The following GALNTL6 variants were observed in gnomAD, a reference collection of about 807,000 sequenced individuals.
The protein encoded by GALNTL6 is polypeptide N-acetylgalactosaminyltransferase-like 6.
A neutral mutation model predicts 73.7 loss-of-function variants in GALNTL6; 46 were observed. That is an observed-to-expected ratio of 0.62 (90% CI 0.49 to 0.80). The LOEUF is 0.80. Among genes scored for constraint, GALNTL6 ranks in the 30% least tolerant of loss-of-function variants. The pLI is 0.00. For missense variants in GALNTL6, 604 were observed against 755.0 expected (o/e 0.80, Z 2.34); for synonymous variants, 259 against 263.7 (o/e 0.98, Z 0.17).
intron 5 of GALNTL6, among the ~76,000 whole-genome samples, chr4:172,397,989 T>C (rs1056585540): frequency 6.6e-6 from 1 of 152,202 alleles, no homozygotes; most frequent in Non-Finnish European, 1.5e-5. Flanking sequence ...GGATTCTTTA[T>C]TATTCTTAAC....
chr4:172,743,207 A>G (rs1336008746), intron 5 of GALNTL6, among the ~76,000 whole-genome samples: 3 of 152,172 alleles, frequency 2.0e-5, no homozygotes, highest in East Asian at 1.9e-4. Context: ...ACCTTTAAAT[A>G]TCATGAGATC....
chr4:172,308,902 G>A (rs1308489074), intron 3 of GALNTL6, among the ~76,000 whole-genome samples: 1 of 152,028 alleles, frequency 6.6e-6, no homozygotes, highest in African/African-American at 2.4e-5. Context: ...TAACTGTGTT[G>A]GGTTAAAAAT....
chr4:172,388,985 T>A (rs1159913176), intron 5 of GALNTL6, among the ~76,000 whole-genome samples: 1 of 152,048 alleles, frequency 6.6e-6, no homozygotes, highest in Non-Finnish European at 1.5e-5. Flanking sequence ...TTCCAATTCC[T>A]AATATTTCTA....
At chr4:172,177,240 C>T (rs1049671744) in intron 2 of GALNTL6, among the ~76,000 whole-genome samples, 4 of 152,032 alleles carry the variant, frequency 2.6e-5, no homozygotes, top group African/African-American at 9.7e-5. Flanking sequence ...AATTCTTAAG[C>T]AAATATGCCA....
chr4:172,177,839 A>ATG (rs1313807210), intron 2 of GALNTL6, among the ~76,000 whole-genome samples: 67 of 76,972 alleles, frequency 8.7e-4, no homozygotes, highest in East Asian at 2.5e-3. Context: ...ACACACATAT[A>ATG]TATGTGTATA....
chr4:172,941,648 A>G (rs902509542), intron 9 of GALNTL6, among the ~76,000 whole-genome samples: 2 of 152,240 alleles, frequency 1.3e-5, no homozygotes, highest in African/African-American at 4.8e-5. Flanking sequence ...CAATTCCACT[A>G]GAGCCTCATA....
intron 5 of GALNTL6, among the ~76,000 whole-genome samples, chr4:172,417,385 A>G (rs770121296): frequency 6.6e-6 from 1 of 152,070 alleles, no homozygotes; most frequent in Non-Finnish European, 1.5e-5. Context: ...CTTTTTTCAA[A>G]TAAAATTTCT....
At chr4:172,597,147 T>C (rs751126290) in intron 5 of GALNTL6, among the ~76,000 whole-genome samples, 1 of 152,202 alleles carries the variant, frequency 6.6e-6, no homozygotes, top group African/African-American at 2.4e-5. Flanking sequence ...TCCTTAAATA[T>C]TGCCCCATTA....
intron 5 of GALNTL6, among the ~76,000 whole-genome samples, chr4:172,525,221 A>G (rs959610447): frequency 6.6e-6 from 1 of 152,212 alleles, no homozygotes. Context: ...GTTAAAAAAT[A>G]TGTTAGCTAT....
chr4:171,918,543 A>G (rs1328278603), intron 2 of GALNTL6, among the ~76,000 whole-genome samples: 1 of 152,128 alleles, frequency 6.6e-6, no homozygotes, highest in Non-Finnish European at 1.5e-5. Context: ...CGGTGTTGGT[A>G]GGAATGCAAA....
At chr4:172,853,423 T>C (rs1403621626) in intron 7 of GALNTL6, among the ~76,000 whole-genome samples, 4 of 152,192 alleles carry the variant, frequency 2.6e-5, no homozygotes, top group Admixed American at 2.0e-4. Context: ...CATCACTGTA[T>C]CCTCTTTAAA....
intron 2 of GALNTL6, among the ~76,000 whole-genome samples, chr4:172,059,169 G>A (rs974378953): frequency 5.9e-5 from 9 of 152,152 alleles, no homozygotes; most frequent in African/African-American, 2.2e-4. Flanking sequence ...AAAAGGAAGG[G>A]GGTTTGCTTC....
At chr4:172,997,704 AG>A (rs33910049) in intron 10 of GALNTL6, among the ~76,000 whole-genome samples, 220 of 152,288 alleles carry the variant, frequency 1.4e-3, no homozygotes, top group African/African-American at 4.8e-3. Flanking sequence ...AGTAAGATAG[AG>A]GGAGTAAATT....
At chr4:172,148,660 C>G (rs767217445) in intron 2 of GALNTL6, among the ~76,000 whole-genome samples, 13 of 152,168 alleles carry the variant, frequency 8.5e-5, no homozygotes, top group Non-Finnish European at 1.8e-4. Context: ...CCTTGCCCTT[C>G]TCACCAATCC....
intron 5 of GALNTL6, among the ~76,000 whole-genome samples, chr4:172,705,458 A>AC (rs1734292575): frequency 6.6e-6 from 1 of 151,554 alleles, no homozygotes; most frequent in Non-Finnish European, 1.5e-5. Flanking sequence ...AAAAAAAAAA[A>AC]CTAAAAATCT....
chr4:172,469,944 T>A (rs915635256), intron 5 of GALNTL6, among the ~76,000 whole-genome samples: 5 of 152,190 alleles, frequency 3.3e-5, no homozygotes, highest in African/African-American at 1.2e-4. Context: ...GTTAGACTTT[T>A]CAAGGCTCAC....
intron 5 of GALNTL6, among the ~76,000 whole-genome samples, chr4:172,738,318 G>A (rs540495663): frequency 6.6e-5 from 10 of 152,214 alleles, no homozygotes; most frequent in South Asian, 6.2e-4. Context: ...CCACTTCTCC[G>A]CATCCCCAGA....
chr4:172,583,880 C>T (rs1462524431), intron 5 of GALNTL6, among the ~76,000 whole-genome samples: 3 of 121,062 alleles, frequency 2.5e-5, no homozygotes, highest in African/African-American at 6.6e-5. Flanking sequence ...GCCGACAGAG[C>T]GAGACTCTGT....
chr4:172,641,696 C>G (rs939175497), intron 5 of GALNTL6, among the ~76,000 whole-genome samples: 1 of 151,862 alleles, frequency 6.6e-6, no homozygotes, highest in African/African-American at 2.4e-5. Context: ...CATGACATTA[C>G]TTACCATTTA....
Sources: gnomAD v4.1 joint callset for allele counts (sites outside exome capture counted in the v4.1 genomes callset) on GRCh38, gnomAD v4.1.1 for gene constraint, MANE v1.5 for transcripts, NCBI Gene and HGNC (gene_info 2026-07-23, HGNC 2026-07-21) for gene names.